CCDC6: variants seen among roughly 807,000 people sequenced by gnomAD.
The protein encoded by CCDC6 is coiled-coil domain-containing protein 6.
A neutral mutation model predicts 56.6 loss-of-function variants in CCDC6; 20 were observed. The ratio of observed to expected loss-of-function variants is 0.35; its 90% CI spans 0.25 to 0.51. CCDC6 has a LOEUF of 0.51. Among genes scored for constraint, CCDC6 ranks in the 20% least tolerant of loss-of-function variants. The probability of loss-of-function intolerance (pLI) is 0.95; values close to 1 mark genes in which losing one functional copy is unlikely to be tolerated. For missense variants in CCDC6, 367 were observed against 601.1 expected (o/e 0.61, Z 4.07); for synonymous variants, 241 against 234.4 (o/e 1.03, Z -0.26).
At chr10:59,868,004 T>G (rs2071191593) in intron 1 of CCDC6, among the ~76,000 whole-genome samples, 2 of 152,196 alleles carry the variant, frequency 1.3e-5, no homozygotes, top group African/African-American at 4.8e-5. Context: ...ACAAACAAGC[T>G]GTACCACCTT....
At chr10:59,898,363 C>T (rs1247144792) in intron 1 of CCDC6, among the ~76,000 whole-genome samples, 3 of 152,210 alleles carry the variant, frequency 2.0e-5, no homozygotes, top group Non-Finnish European at 4.4e-5. Context: ...CCCATCTCTG[C>T]CTTACATAAT....
At chr10:59,808,184 T>A (rs1242349158) in intron 5 of CCDC6, among the ~76,000 whole-genome samples, 3 of 152,090 alleles carry the variant, frequency 2.0e-5, no homozygotes, top group Non-Finnish European at 4.4e-5. Context: ...AGGACAGAGC[T>A]GACTAGCCCT....
intron 7 of CCDC6, among the ~76,000 whole-genome samples, chr10:59,803,890 A>T (rs2070597035): frequency 6.6e-6 from 1 of 152,202 alleles, no homozygotes; most frequent in African/African-American, 2.4e-5. Flanking sequence ...GAAAGAACAC[A>T]CAGGCTCTTT....
chr10:59,852,334 C>T (rs552629681), intron 2 of CCDC6, among the ~76,000 whole-genome samples: 13 of 152,256 alleles, frequency 8.5e-5, no homozygotes, highest in Admixed American at 2.6e-4. Context: ...TGGAAATGCT[C>T]GGGGTACAAA....
intron 5 of CCDC6, among the ~76,000 whole-genome samples, chr10:59,808,042 C>T (rs1458305987): frequency 1.3e-5 from 2 of 152,142 alleles, no homozygotes; most frequent in Non-Finnish European, 2.9e-5. Context: ...CTCACACACA[C>T]GTAGCGGCAG....
At chr10:59,878,120 G>T (rs568448904) in intron 1 of CCDC6, among the ~76,000 whole-genome samples, 3 of 152,238 alleles carry the variant, frequency 2.0e-5, no homozygotes, top group African/African-American at 7.2e-5. Context: ...GTATCTTAAG[G>T]AATAAGAAGT....
chr10:59,849,276 G>T (rs2071018725), intron 2 of CCDC6, among the ~76,000 whole-genome samples: 1 of 152,132 alleles, frequency 6.6e-6, no homozygotes, highest in African/African-American at 2.4e-5. Flanking sequence ...ATACAATTTT[G>T]TGTCTGTACT....
chr10:59,836,570 T>C (rs911116743), intron 2 of CCDC6, among the ~76,000 whole-genome samples: 3 of 152,218 alleles, frequency 2.0e-5, no homozygotes, highest in African/African-American at 7.2e-5. Context: ...TCAAGCATAT[T>C]AATTAATATT....
At chr10:59,819,228 G>C (rs2070732924) in intron 3 of CCDC6, among the ~76,000 whole-genome samples, 1 of 152,132 alleles carries the variant, frequency 6.6e-6, no homozygotes, top group Non-Finnish European at 1.5e-5. Context: ...CTTAAAGTCA[G>C]TTTCCAAGAA....
At chr10:59,859,199 CGTGTGTGTGTGTGTGTGTGTGTGTGT>C (rs66648240) in intron 1 of CCDC6, among the ~76,000 whole-genome samples, 1 of 137,188 alleles carries the variant, frequency 7.3e-6, no homozygotes, top group African/African-American at 2.7e-5. Flanking sequence ...CATGTGTGTG[CGTGTGTGTGTGTGTGTGTGTGTGTGT>C]GTGTGTGTGT....
intron 2 of CCDC6, among the ~76,000 whole-genome samples, chr10:59,849,564 C>T (rs893139270): frequency 6.6e-6 from 1 of 152,170 alleles, no homozygotes; most frequent in South Asian, 2.1e-4. Context: ...TTGAAATGCA[C>T]ATAAAAGCAT....
At chr10:59,811,306 C>T (rs2070670217) in intron 5 of CCDC6, among the ~76,000 whole-genome samples, 1 of 152,172 alleles carries the variant, frequency 6.6e-6, no homozygotes, top group Non-Finnish European at 1.5e-5. Flanking sequence ...GAGACGAAAA[C>T]AAAGGTAGGA....
chr10:59,808,554 G>A (rs1223603146), intron 5 of CCDC6, among the ~76,000 whole-genome samples: 1 of 152,124 alleles, frequency 6.6e-6, no homozygotes, highest in Admixed American at 6.5e-5. Context: ...CAATGAACTT[G>A]GGAAAAGTAA....
chr10:59,899,117 G>A (rs1422083221), intron 1 of CCDC6, among the ~76,000 whole-genome samples: 3 of 152,146 alleles, frequency 2.0e-5, no homozygotes, highest in South Asian at 2.1e-4. Context: ...GGAGAAGTAG[G>A]AAGAATCTGC....
chr10:59,812,606 T>A (rs747129817), intron 5 of CCDC6, 29 bp downstream of exon 5: 5 of 1,546,032 alleles, frequency 3.2e-6, no homozygotes, highest in Non-Finnish European at 4.4e-6. Flanking sequence ...TCTACAGGCA[T>A]GAAACTAGTG....
Position 59,799,403 on chromosome 10 carries a change from G to A in CCDC6, c.1106-4806C>T, listed in dbSNP as rs1210952850. The stretch of plus-strand genomic sequence containing the variant: ...ATCATGCCACTGCACTCCAGCCTGG[G>A]CAACAGAGCAAGACTCTATCTCGAA... On this transcript the variant is annotated intron_variant, in intron 7 of 8. Coordinates refer to ENST00000263102, the MANE Select transcript of CCDC6 (RefSeq NM_005436.5). Among the ~76,000 whole-genome samples the A allele has an allele frequency of 2.6e-5, 4 of 152,272 alleles. No homozygotes were observed. The East Asian group carries it at 7.7e-4, about 29-fold the overall frequency.
rs1260034713 is a variant in CCDC6, at chr10:59,789,052, G to A, written c.*3865C>T. ...TCTTTCTGTTGGACAGTCCACTTTC[G>A]CTTTCCAGGCTAAGTTCCAAATCAA... On this transcript the variant is annotated 3_prime_UTR_variant, in exon 9 of 9. Coordinates refer to ENST00000263102, the MANE Select transcript of CCDC6 (RefSeq NM_005436.5). 2 of 219,440 alleles carry A rather than the reference G, an allele frequency of 9.1e-6. No homozygotes were observed. Among genetic ancestry groups the A allele is most frequent in the East Asian group, 6.5e-5 (1 of 15,276 alleles). The allele number at this position is 219,440 out of a possible 1,614,324, so 13.6% of individuals were successfully genotyped here. A position where few individuals can be genotyped will look rare whatever the true frequency, so the allele number is the denominator to read the frequency against.
chr10:59,846,895 A>G (rs150998492), intron 2 of CCDC6, among the ~76,000 whole-genome samples: 3 of 152,342 alleles, frequency 2.0e-5, no homozygotes, highest in Non-Finnish European at 4.4e-5. Context: ...GTGTGCTCCC[A>G]AAGAGCAGAA....
chr10:59,857,885 G>A (rs892824098), intron 1 of CCDC6, among the ~76,000 whole-genome samples: 2 of 152,044 alleles, frequency 1.3e-5, no homozygotes, highest in African/African-American at 2.4e-5. Flanking sequence ...ACATTATTAG[G>A]ATAGCAGGGA....
Sources: gnomAD v4.1 joint callset for allele counts (sites outside exome capture counted in the v4.1 genomes callset) on GRCh38, gnomAD v4.1.1 for gene constraint, MANE v1.5 for transcripts, NCBI Gene and HGNC (gene_info 2026-07-23, HGNC 2026-07-21) for gene names.